P3H2: variants seen among roughly 807,000 people sequenced by gnomAD.
P3H2 encodes prolyl 3-hydroxylase 2, also known as leprecan-like 1.
P3H2 carries 80 observed loss-of-function variants against 87.0 expected under a neutral mutation model. The ratio of observed to expected loss-of-function variants is 0.92; its 90% CI spans 0.77 to 1.11. The LOEUF is 1.11. P3H2 is among the 50% of genes least tolerant of loss of function. The probability of loss-of-function intolerance (pLI) is 0.00; values close to 1 mark genes in which losing one functional copy is unlikely to be tolerated. For missense variants in P3H2, 1,001 were observed against 923.9 expected (o/e 1.08, Z -1.08); for synonymous variants, 367 against 359.3 (o/e 1.02, Z -0.24).
chr3:190,076,947 G>C (rs1017195723), intron 1 of P3H2, among the ~76,000 whole-genome samples: 6 of 152,042 alleles, frequency 3.9e-5, no homozygotes, highest in Non-Finnish European at 8.8e-5. Flanking sequence ...TCTAAATGCT[G>C]GTTTACACAC....
chr3:189,995,424 C>T lies in P3H2; in HGVS notation c.499G>A (p.Ala167Thr). 6.2e-7 allele frequency: 1 copy of T among 1,613,578 alleles called. No individual in the cohort carries two copies. Among genetic ancestry groups the T allele is most frequent in the African/African-American group, 1.3e-5 (1 of 74,942 alleles). Residue 167 changes from alanine to threonine, a missense_variant, in exon 2 of 15, where the codon GCA (alanine) becomes ACA (threonine). Ala to Thr is a moderately conservative substitution (Grantham distance 58, BLOSUM62 0). Transcript: ENST00000319332. The stretch of plus-strand genomic sequence containing the variant: ...AAAAATGTGTGAGCTGCTTCCACTG[C>T]TTTTTCGAGCTGGTTAAGCTAAAGA... ...AYIKLNQLEK[A>T]VEAAHTFFVA...
At chr3:190,105,842 A>G (rs968640142) in intron 1 of P3H2, among the ~76,000 whole-genome samples, 3 of 152,224 alleles carry the variant, frequency 2.0e-5, no homozygotes, top group African/African-American at 7.2e-5. Flanking sequence ...CCCAAGGACT[A>G]GAGAAAGCCA....
At chr3:190,073,401 G>A (rs1380101771) in intron 1 of P3H2, among the ~76,000 whole-genome samples, 1 of 152,138 alleles carries the variant, frequency 6.6e-6, no homozygotes, top group Admixed American at 6.6e-5. Flanking sequence ...CCTGATAAAA[G>A]CCCTCTTCCT....
At chr3:190,096,497 G>A (rs1229739598) in intron 1 of P3H2, among the ~76,000 whole-genome samples, 2 of 152,102 alleles carry the variant, frequency 1.3e-5, no homozygotes, top group African/African-American at 4.8e-5. Flanking sequence ...CTGTGGAATT[G>A]TGTCAATTAC....
At chr3:190,077,192 C>T (rs1046850365) in intron 1 of P3H2, among the ~76,000 whole-genome samples, 12 of 152,200 alleles carry the variant, frequency 7.9e-5, no homozygotes, top group African/African-American at 1.2e-4. Context: ...GCCCTCCATC[C>T]GACATGTTCT....
At chr3:190,076,853 A>G (rs1212873171) in intron 1 of P3H2, among the ~76,000 whole-genome samples, 1 of 152,194 alleles carries the variant, frequency 6.6e-6, no homozygotes, top group East Asian at 1.9e-4. Context: ...TTTTATCAAT[A>G]ATTTTGACTA....
At chr3:190,063,564 T>C (rs1460722296) in intron 1 of P3H2, among the ~76,000 whole-genome samples, 1 of 152,162 alleles carries the variant, frequency 6.6e-6, no homozygotes, top group African/African-American at 2.4e-5. Context: ...GCATGATTAA[T>C]GTGTTACTAA....
chr3:190,013,823 A>C (rs376470216), intron 1 of P3H2, among the ~76,000 whole-genome samples: 1 of 152,318 alleles, frequency 6.6e-6, no homozygotes, highest in Non-Finnish European at 1.5e-5. Context: ...ATCAATTAAG[A>C]TGTAATTAAA....
chr3:190,047,939 T>A (rs956201783), intron 1 of P3H2, among the ~76,000 whole-genome samples: 1 of 152,208 alleles, frequency 6.6e-6, no homozygotes, highest in Non-Finnish European at 1.5e-5. Context: ...ATTTGGAAAG[T>A]TCTCAACACA....
intron 1 of P3H2, among the ~76,000 whole-genome samples, chr3:190,018,364 T>C (rs1311771308): frequency 6.6e-6 from 1 of 152,170 alleles, no homozygotes; most frequent in Non-Finnish European, 1.5e-5. Flanking sequence ...TTTAACATCA[T>C]TATAAATCAG....
At chr3:189,980,126 C>CA in intron 8 of P3H2, among the ~76,000 whole-genome samples, 1 of 152,292 alleles carries the variant, frequency 6.6e-6, no homozygotes, top group East Asian at 1.9e-4. Context: ...TGCTTAGGAG[C>CA]TGTCCAGTAG....
chr3:190,107,868 GATTAA>G (rs1319715283), intron 1 of P3H2, among the ~76,000 whole-genome samples: 1 of 151,908 alleles, frequency 6.6e-6, no homozygotes, highest in Non-Finnish European at 1.5e-5. Flanking sequence ...CTGTACTATT[GATTAA>G]ATTAATTCTC....
intron 3 of P3H2, among the ~76,000 whole-genome samples, chr3:189,989,264 C>T (rs554089492): frequency 6.6e-6 from 1 of 152,308 alleles, no homozygotes; most frequent in Admixed American, 6.5e-5. Flanking sequence ...CCGAATCCTC[C>T]AGCTCACAGT....
At chr3:190,070,291 T>C (rs1404441826) in intron 1 of P3H2, among the ~76,000 whole-genome samples, 1 of 152,056 alleles carries the variant, frequency 6.6e-6, no homozygotes, top group Non-Finnish European at 1.5e-5. Flanking sequence ...ATTGGAGGAA[T>C]TGGTGGTAAG....
chr3:189,980,582 T>G (rs1476513605), intron 8 of P3H2, among the ~76,000 whole-genome samples: 1 of 151,900 alleles, frequency 6.6e-6, no homozygotes, highest in Non-Finnish European at 1.5e-5. Context: ...GAAAAAGAGA[T>G]ATGAAAGTGT....
intron 1 of P3H2, among the ~76,000 whole-genome samples, chr3:190,113,682 CT>C (rs1712158321): frequency 6.6e-6 from 1 of 152,166 alleles, no homozygotes. Context: ...ACAGCTACCC[CT>C]TTGGAGTTTA....
chr3:190,027,080 C>G (rs966510733), intron 1 of P3H2, among the ~76,000 whole-genome samples: 13 of 152,178 alleles, frequency 8.5e-5, no homozygotes, highest in Non-Finnish European at 1.5e-4. Context: ...GTAGGTACTA[C>G]TATCATTCTC....
chr3:190,104,128 ACT>A (rs1344788316), intron 1 of P3H2, among the ~76,000 whole-genome samples: 1 of 151,912 alleles, frequency 6.6e-6, no homozygotes, highest in Non-Finnish European at 1.5e-5. Context: ...TGGTAACAAA[ACT>A]CTGCTAGAGA....
chr3:190,120,177 G>C, intron 1 of P3H2, 75 bp downstream of exon 1: 3 of 1,522,552 alleles, frequency 2.0e-6, no homozygotes, highest in Non-Finnish European at 2.7e-6. Context: ...AGAGATGACG[G>C]GGGCAGCAGG....
Sources: gnomAD v4.1 joint callset for allele counts (sites outside exome capture counted in the v4.1 genomes callset) on GRCh38, gnomAD v4.1.1 for gene constraint, MANE v1.5 for transcripts, NCBI Gene and HGNC (gene_info 2026-07-23, HGNC 2026-07-21) for gene names.